Variants in MAP9 observed in about 807,000 individuals in gnomAD.
MAP9 encodes microtubule-associated protein 9.
A neutral mutation model predicts 75.2 loss-of-function variants in MAP9; 80 were observed. The ratio of observed to expected loss-of-function variants is 1.06; its 90% CI spans 0.89 to 1.28. MAP9 has a LOEUF of 1.28. Ranked by LOEUF, MAP9 falls within the 50% of genes most tolerant of loss-of-function variation. MAP9 has a pLI of 0.00. For missense variants in MAP9, 753 were observed against 719.9 expected (o/e 1.05, Z -0.53); for synonymous variants, 235 against 237.3 (o/e 0.99, Z 0.09).
chr4:155,360,071 G>T, intron 7 of MAP9, 97 bp downstream of exon 7: 1 of 1,100,652 alleles, frequency 9.1e-7, no homozygotes, highest in East Asian at 2.4e-5. Context: ...ATTTTCCACT[G>T]GTAATTCAGA....
intron 7 of MAP9, 64 bp from the exon 8 acceptor site, chr4:155,357,583 C>T (rs940804829): frequency 5.5e-6 from 5 of 901,254 alleles, no homozygotes; most frequent in Admixed American, 3.8e-5. Flanking sequence ...GGCTTAGAAG[C>T]CAAACTGCCA....
intron 6 of MAP9, 80 bp downstream of exon 6, chr4:155,361,968 C>T (rs1272864127): frequency 2.8e-5 from 23 of 829,974 alleles, no homozygotes; most frequent in South Asian, 2.2e-4. Flanking sequence ...TATAACTATA[C>T]AAAGTATTAT....
intron 13 of MAP9, among the ~76,000 whole-genome samples, chr4:155,350,457 A>C (rs545562944): frequency 6.6e-5 from 10 of 152,194 alleles, no homozygotes; most frequent in African/African-American, 2.4e-4. Flanking sequence ...CCTAAATGTG[A>C]CTTATTAAAG....
Position 155,355,736 on chromosome 4 carries a change from TG to T in MAP9, c.1269del (p.Asn423LysfsTer2), listed in dbSNP as rs1560805997. On this transcript the variant is annotated frameshift_variant, in exon 9 of 14. Transcript: ENST00000311277. LOFTEE classifies it high-confidence loss of function. ...TTTACCTGATAAACAGCTGCCCTTA[TG>T]TTATCTGCTCTATCAGGTTCTATGC... ...KQSIEPDRADNIRAAVYQEWL... is the reference protein window; with the variant it reads ...KQSIEPDRADXIRAAVYQEWL... 6.2e-7 allele frequency: 1 copy of T among 1,610,212 alleles called. No individual in the cohort carries two copies. The highest frequency in any genetic ancestry group is 2.2e-5 in the East Asian group (1 of 44,826).
chr4:155,367,473 A>G (rs1732383597), intron 5 of MAP9: 1 of 152,262 alleles, frequency 6.6e-6, no homozygotes, highest in Admixed American at 6.5e-5. Context: ...TCTGACCTCC[A>G]GAACTAAGAG....
At chr4:155,374,714 T>C (rs1041894586) in intron 3 of MAP9, among the ~76,000 whole-genome samples, 2 of 152,146 alleles carry the variant, frequency 1.3e-5, no homozygotes, top group African/African-American at 2.4e-5. Context: ...CGTATACACA[T>C]TCAGAAAACA....
chr4:155,352,858 C>G (rs982265111), intron 12 of MAP9, 54 bp downstream of exon 12: 1 of 1,440,046 alleles, frequency 6.9e-7, no homozygotes, highest in Non-Finnish European at 9.4e-7. Flanking sequence ...TTATAAAATC[C>G]TGAAGTGTTA....
At chr4:155,371,424 T>G (rs1351622941) in intron 4 of MAP9, among the ~76,000 whole-genome samples, 1 of 151,998 alleles carries the variant, frequency 6.6e-6, no homozygotes, top group Non-Finnish European at 1.5e-5. Context: ...AACACTAGCC[T>G]CAATTTTTAC....
At position 155,352,608 on chromosome 4, in the gene MAP9, A is replaced by G. The variant is rs1479452300; in HGVS notation, c.1809T>C (p.Tyr603=). ...KDKDKQAINE[Y]EKWLENKEKQ... is the part of the protein sequence containing the mutation. ...AAATAATACCTACCAGCCATTTTTCATATTCATTAATAGCTTGTTTATCTT... is the reference window on the plus strand; with the variant it reads ...AAATAATACCTACCAGCCATTTTTCGTATTCATTAATAGCTTGTTTATCTT... Residue 603 remains tyrosine (Y), a synonymous_variant, in exon 13 of 14, where the codon TAT becomes TAC. Coordinates refer to ENST00000311277, the MANE Select transcript of MAP9 (RefSeq NM_001039580.2). The G allele has an allele frequency of 1.9e-6, 3 of 1,570,352 alleles. No individual in the cohort carries two copies. The highest frequency in any genetic ancestry group is 3.7e-5 in the Admixed American group (2 of 53,854).
intron 2 of MAP9, 84 bp downstream of exon 2, chr4:155,375,692 A>G (rs1732807682): frequency 2.4e-6 from 2 of 825,514 alleles, no homozygotes; most frequent in Non-Finnish European, 2.0e-6. Context: ...CCTGCTTTAT[A>G]TAGGACTGTT....
rs1204949573 is a variant in MAP9, at chr4:155,355,124, T to C, written c.1327A>G (p.Met443Val). Reference sequence around the variant, plus strand: ...CTTTCAATTCTTTTTATTCTGTGCATTTCATGTAAATACACATTTTTCTTT... The same window carrying C: ...CTTTCAATTCTTTTTATTCTGTGCACTTCATGTAAATACACATTTTTCTTT... ...LEKKNVYLHE[M>V]HRIKRIESEN... The change falls in exon 10 of 14, where the codon ATG becomes GTG. Residue 443 changes from methionine (M) to valine (V), a missense_variant. By Grantham distance (21) the Met-to-Val change is conservative. Coordinates refer to ENST00000311277, the MANE Select transcript of MAP9 (RefSeq NM_001039580.2). 7.1e-7 allele frequency: 1 copy of C among 1,411,172 alleles called. No individual in the cohort carries two copies. Among genetic ancestry groups the C allele is most frequent in the Non-Finnish European group, 9.6e-7 (1 of 1,038,510 alleles). 87.4% of individuals were successfully genotyped at this position (1,411,172 alleles called of 1,614,324 possible).
In MAP9 at chr4:155,353,043, C is replaced by A; in HGVS notation, c.1557G>T (p.Trp519Cys). Reference sequence around the variant, plus strand: ...TAAGATATTCCATCTTTTTCTCTTTCCATTTTTCAAAAGCCTGAAAAAGTT... The same window carrying A: ...TAAGATATTCCATCTTTTTCTCTTTACATTTTTCAAAAGCCTGAAAAAGTT... The part of the protein sequence containing the change: ...KGEALQAFEK[W>C]KEKKMEYLKE... The change falls in exon 12 of 14, where the codon TGG (tryptophan) becomes TGT (cysteine). Residue 519 changes from tryptophan to cysteine, a missense_variant. Transcript: ENST00000311277. The A allele has an allele frequency of 6.5e-7, 1 of 1,536,298 alleles. No homozygotes were observed. The highest frequency in any genetic ancestry group is 8.8e-7 in the Non-Finnish European group (1 of 1,138,690).
At position 155,371,683 on chromosome 4, in the gene MAP9, C is replaced by T. The variant is rs372037257; in HGVS notation, c.481+1453G>A. 1.7e-4 allele frequency among the ~76,000 whole-genome samples: 25 copies of T among 150,754 alleles called. 1 individual carries two copies. In the East Asian group the frequency reaches 1.9e-3, roughly 12 times the overall value. Reference sequence around the variant, plus strand: ...CTGATGCCACCTTGTGGTTAAAATACAGTATTTTCTTATTCATTGTAACCC... The same window carrying T: ...CTGATGCCACCTTGTGGTTAAAATATAGTATTTTCTTATTCATTGTAACCC... On this transcript the variant is annotated intron_variant, in intron 4 of 13. Transcript: ENST00000311277.
chr4:155,355,031 T>C (rs1356886125), intron 10 of MAP9, 40 bp downstream of exon 10: 2 of 966,180 alleles, frequency 2.1e-6, no homozygotes, highest in Non-Finnish European at 3.0e-6. Context: ...TTTACTGAAA[T>C]AAAAATCCAA....
Position 155,357,521 on chromosome 4 carries a change from T to C in MAP9, c.1051-2A>G. ...TATATTTCTATCTTCAATTGTTTTCTATTAAACAGAAAATGCCAAAGATGA... is the reference window on the plus strand; with the variant it reads ...TATATTTCTATCTTCAATTGTTTTCCATTAAACAGAAAATGCCAAAGATGA... On this transcript the variant is annotated splice_acceptor_variant, in intron 7 of 13. Coordinates refer to ENST00000311277, the MANE Select transcript of MAP9 (RefSeq NM_001039580.2). LOFTEE classifies it high-confidence loss of function. The C allele has an allele frequency of 1.4e-6, 2 of 1,479,904 alleles. No individual in the cohort carries two copies. The highest frequency in any genetic ancestry group is 1.9e-6 in the Non-Finnish European group (2 of 1,061,562). The allele number at this position is 1,479,904 out of a possible 1,614,324, so 91.7% of individuals were successfully genotyped here. A position where few individuals can be genotyped will look rare whatever the true frequency, so the allele number is the denominator to read the frequency against.
chr4:155,360,050 T>C, intron 7 of MAP9, 118 bp downstream of exon 7: 1 of 941,840 alleles, frequency 1.1e-6, no homozygotes, highest in East Asian at 2.6e-5. Flanking sequence ...AATATCACTA[T>C]CAAAAGATAA....
At chr4:155,362,232 T>C (rs1187210546) in intron 5 of MAP9, 91 bp from the exon 6 acceptor site, 2 of 807,626 alleles carry the variant, frequency 2.5e-6, no homozygotes, top group Admixed American at 5.5e-5. Context: ...CAAATTGAAA[T>C]AGTGCATAAC....
At chr4:155,376,224 G>T (rs1695775121) in intron 1 of MAP9, among the ~76,000 whole-genome samples, 1 of 151,982 alleles carries the variant, frequency 6.6e-6, no homozygotes, top group African/African-American at 2.4e-5. Flanking sequence ...CTCTTCTAAA[G>T]TATAACATTG....
intron 9 of MAP9, 97 bp downstream of exon 9, chr4:155,355,619 C>A: frequency 1.1e-6 from 1 of 878,836 alleles, no homozygotes; most frequent in Admixed American, 3.1e-5. Context: ...AAGTATTAAA[C>A]CATCATTTTC....
Sources: allele counts gnomAD v4.1 joint callset (sites outside exome capture counted in the v4.1 genomes callset), GRCh38; gene constraint gnomAD v4.1.1; transcripts MANE v1.5; gene names NCBI Gene and HGNC (gene_info 2026-07-23, HGNC 2026-07-21).